KIF3C: variants seen among roughly 807,000 people sequenced by gnomAD.
KIF3C encodes the protein kinesin-like protein KIF3C.
A neutral mutation model predicts 67.7 loss-of-function variants in KIF3C; 12 were observed. The observed-to-expected ratio is 0.18, with a 90% CI of 0.11 to 0.29. KIF3C has a LOEUF of 0.29. Among genes scored for constraint, KIF3C ranks in the 10% least tolerant of loss-of-function variants. The probability of loss-of-function intolerance (pLI) is 1.00; values close to 1 mark genes in which losing one functional copy is unlikely to be tolerated. For synonymous variants in KIF3C, 393 were observed against 426.2 expected (o/e 0.92, Z 0.96); for missense variants, 789 against 1,059.6 (o/e 0.74, Z 3.55).
chr2:25,962,932 CATATA>C (rs1664012286), intron 1 of KIF3C, among the ~76,000 whole-genome samples: 2 of 36,588 alleles, frequency 5.5e-5, no homozygotes, highest in African/African-American at 1.4e-4. Flanking sequence ...ATATATAATA[CATATA>C]ATATATAATA....
At chr2:25,936,907 A>G (rs1663145469) in intron 5 of KIF3C, among the ~76,000 whole-genome samples, 1 of 152,212 alleles carries the variant, frequency 6.6e-6, no homozygotes, top group African/African-American at 2.4e-5. Flanking sequence ...AAATAAAAGA[A>G]CACAGGTTTT....
chr2:25,980,949 G>C lies in KIF3C; in HGVS notation c.969C>G (p.Thr323=). The change falls in exon 1 of 8, where the codon ACC becomes ACG. Residue 323 remains threonine (T), a synonymous_variant. Coordinates refer to ENST00000264712, the MANE Select transcript of KIF3C (RefSeq NM_002254.8). This position sits in a 1 kb window ranked among gnomAD's most constrained non-coding sequence, Gnocchi z 7.6. ...THIPYRDSKL[T]RLLQDSLGGN... is the part of the protein sequence containing the mutation. ...CCCCCAGGGAGTCCTGGAGCAGCCG[G>C]GTCAGCTTGGAGTCCCGGTAGGGAA... The C allele has an allele frequency of 6.2e-7, 1 of 1,614,210 alleles. No homozygotes were observed. Among genetic ancestry groups the C allele is most frequent in the South Asian group, 1.1e-5 (1 of 91,086 alleles).
chr2:25,951,929 A>T (rs546070402), intron 4 of KIF3C, 24 bp from the exon 5 acceptor site: 1 of 1,491,772 alleles, frequency 6.7e-7, no homozygotes, highest in South Asian at 1.1e-5. Flanking sequence ...TGAAGGAGTG[A>T]TGGGAAAATG....
chr2:25,950,393 T>C (rs1167374181), intron 5 of KIF3C, among the ~76,000 whole-genome samples: 1 of 151,752 alleles, frequency 6.6e-6, no homozygotes, highest in African/African-American at 2.4e-5. Flanking sequence ...AATTTTTTTT[T>C]GTATTTTTAG....
Position 25,955,683 on chromosome 2 carries a change from T to G in KIF3C, c.1648-20A>C, listed in dbSNP as rs201673282. On this transcript the variant is annotated intron_variant, in intron 2 of 7. Coordinates refer to ENST00000264712, the MANE Select transcript of KIF3C (RefSeq NM_002254.8). This position sits in a 1 kb window ranked among gnomAD's most constrained non-coding sequence, Gnocchi z 5.0. Reference sequence around the variant, plus strand: ...ACGTTTCTAGGCCAAGGACGGGCAGTGTGGCTCAAAGGAGCAGTGCATACT... The same window carrying G: ...ACGTTTCTAGGCCAAGGACGGGCAGGGTGGCTCAAAGGAGCAGTGCATACT... The G allele has an allele frequency of 9.9e-6, 16 of 1,613,724 alleles. No homozygotes were observed. The African/African-American group carries it at 1.1e-4, about 11-fold the overall frequency.
intron 1 of KIF3C, among the ~76,000 whole-genome samples, chr2:25,959,761 A>C (rs1214723221): frequency 6.6e-6 from 1 of 152,010 alleles, no homozygotes; most frequent in Non-Finnish European, 1.5e-5. Context: ...TCTTTATCCC[A>C]GTTTCTCCTC....
rs1664652959 is a variant in KIF3C at position 25,982,485 on chromosome 2, G to A, written c.-568C>T. On this transcript the variant is annotated 5_prime_UTR_variant, in exon 1 of 8. Coordinates refer to ENST00000264712, the MANE Select transcript of KIF3C (RefSeq NM_002254.8). ...TTCCCCGCCGCCGCCACTGGAGAAT[G>A]AGAGAGAAAAACAGAAGGGGATGGG... 2.5e-6 allele frequency: 1 copy of A among 398,516 alleles called. No individual in the cohort carries two copies. The allele number at this position is 398,516 out of a possible 1,614,324, so 24.7% of individuals were successfully genotyped here.
chr2:25,978,844 C>T (rs904170000), intron 1 of KIF3C, among the ~76,000 whole-genome samples: 3 of 152,046 alleles, frequency 2.0e-5, no homozygotes, highest in Non-Finnish European at 2.9e-5. Context: ...TTCAATCTAA[C>T]GGCCCTGCCT....
At chr2:25,953,285 A>G (rs924447163) in intron 4 of KIF3C, among the ~76,000 whole-genome samples, 10 of 152,054 alleles carry the variant, frequency 6.6e-5, no homozygotes, top group Admixed American at 3.9e-4. Context: ...AAAAAAATCT[A>G]ATGTATCCCA....
At chr2:25,959,889 G>A (rs1039230814) in intron 1 of KIF3C, among the ~76,000 whole-genome samples, 25 of 152,136 alleles carry the variant, frequency 1.6e-4, no homozygotes, top group African/African-American at 5.8e-4. Context: ...CCCTACTGTT[G>A]TGGACCATGG....
In KIF3C at chr2:25,928,861, A is replaced by T; in HGVS notation, c.*117T>A. 1.3e-6 allele frequency: 1 copy of T among 775,238 alleles called. No individual in the cohort carries two copies. The allele number at this position is 775,238 out of a possible 1,614,324, so 48.0% of individuals were successfully genotyped here. Reference sequence around the variant, plus strand: ...CCATCTGCCAGATTCTCACCCCTGCACACACGCACACGCACATGCACGCAC... The same window carrying T: ...CCATCTGCCAGATTCTCACCCCTGCTCACACGCACACGCACATGCACGCAC... On this transcript the variant is annotated 3_prime_UTR_variant, in exon 8 of 8. Transcript: ENST00000264712.
chr2:25,980,339 C>A lies in KIF3C; in HGVS notation c.1545+34G>T. ...TCCTTGCCGGGATCCCCTGCGGGGA[C>A]ATCTCGAGTGCCCAGCTCCTCTGGG... On this transcript the variant is annotated intron_variant, in intron 1 of 7. Transcript: ENST00000264712. The surrounding 1 kb of genome is among the most constrained non-coding windows in gnomAD (Gnocchi z 7.6). 1 of 1,549,374 alleles carries A rather than the reference C, an allele frequency of 6.5e-7. No individual in the cohort carries two copies. The highest frequency in any genetic ancestry group is 8.8e-7 in the Non-Finnish European group (1 of 1,134,266).
rs1317459640 is a variant in KIF3C, at chr2:25,958,133, C to A, written c.1546-1689G>T. Among the ~76,000 whole-genome samples the A allele has an allele frequency of 6.6e-6, 1 of 152,096 alleles. No individual in the cohort carries two copies. Among genetic ancestry groups the A allele is most frequent in the South Asian group, 2.1e-4 (1 of 4,822 alleles). On this transcript the variant is annotated intron_variant, in intron 1 of 7. Coordinates refer to ENST00000264712, the MANE Select transcript of KIF3C (RefSeq NM_002254.8). This position sits in a 1 kb window ranked among gnomAD's most constrained non-coding sequence, Gnocchi z 4.5. ...AGGCCATCAAATCTGCTCCTCAGTGCGGCTCCCACCACCCCCCATTTTTCA... is the reference window on the plus strand; with the variant it reads ...AGGCCATCAAATCTGCTCCTCAGTGAGGCTCCCACCACCCCCCATTTTTCA...
chr2:25,967,304 T>C (rs765718847), intron 1 of KIF3C, among the ~76,000 whole-genome samples: 2 of 152,066 alleles, frequency 1.3e-5, no homozygotes, highest in African/African-American at 2.4e-5. Flanking sequence ...CTAAAAACTC[T>C]GGGAAAATAT....
chr2:25,937,211 A>T (rs959088240), intron 5 of KIF3C, among the ~76,000 whole-genome samples: 1 of 152,264 alleles, frequency 6.6e-6, no homozygotes, highest in African/African-American at 2.4e-5. Flanking sequence ...AAACAGGCCG[A>T]GTAACTCAAA....
At position 25,980,724 on chromosome 2, in the gene KIF3C, C is replaced by T; in HGVS notation, c.1194G>A (p.Gly398=). The T allele has an allele frequency of 6.2e-7, 1 of 1,614,190 alleles. No individual in the cohort carries two copies. The highest frequency in any genetic ancestry group is 1.1e-5 in the South Asian group (1 of 91,084). The part of the protein sequence containing the change: ...ARLKAQLEKR[G]MLGKRPRRKS... ...TCCTCCGGGGCCGCTTCCCCAGCAT[C>T]CCCCTCTTCTCCAGCTGGGCCTTCA... Residue 398 remains glycine (G), a synonymous_variant, in exon 1 of 8, where the codon GGG becomes GGA. Coordinates refer to ENST00000264712, the MANE Select transcript of KIF3C (RefSeq NM_002254.8). The surrounding 1 kb of genome is among the most constrained non-coding windows in gnomAD (Gnocchi z 7.6).
chr2:25,957,940 T>C (rs1663849746), intron 1 of KIF3C, among the ~76,000 whole-genome samples: 2 of 152,186 alleles, frequency 1.3e-5, no homozygotes, highest in South Asian at 2.1e-4. Flanking sequence ...TCTTACCGCA[T>C]TGCCTTGCCA....
chr2:25,945,978 T>TGGTG (rs2149228354), intron 5 of KIF3C, among the ~76,000 whole-genome samples: 1 of 151,792 alleles, frequency 6.6e-6, no homozygotes, highest in South Asian at 2.1e-4. Context: ...CCGGGCATGG[T>TGGTG]GGTGGGTGCC....
chr2:25,965,061 C>T (rs1202607649), intron 1 of KIF3C, among the ~76,000 whole-genome samples: 1 of 152,216 alleles, frequency 6.6e-6, no homozygotes, highest in East Asian at 1.9e-4. Context: ...ACTATCACTC[C>T]ACCCGTCTGT....
Sources: allele counts gnomAD v4.1 joint callset (sites outside exome capture counted in the v4.1 genomes callset), GRCh38; gene constraint gnomAD v4.1.1; non-coding constraint Gnocchi (gnomAD v3.1); transcripts MANE v1.5; gene names NCBI Gene and HGNC (gene_info 2026-07-23, HGNC 2026-07-21).